NXPE2: variants seen among roughly 807,000 people sequenced by gnomAD.
NXPE2 encodes neurexophilin and PC-esterase domain family member 2, also known as NXPE family member 2.
Under a neutral mutation model 34.4 loss-of-function variants are expected in NXPE2, and 34 were observed. The observed-to-expected ratio is 0.99, with a 90% CI of 0.75 to 1.31. The LOEUF (loss-of-function observed/expected upper bound fraction) is 1.31. Ranked by LOEUF, NXPE2 falls within the 40% of genes most tolerant of loss-of-function variation. The pLI, the probability that NXPE2 is intolerant of heterozygous loss-of-function variation, is 0.00. For missense variants in NXPE2, 649 were observed against 672.5 expected (o/e 0.97, Z 0.39); for synonymous variants, 235 against 231.3 (o/e 1.02, Z -0.15).
At chr11:114,688,556 TTG>T (rs1190503979) in intron 2 of NXPE2, among the ~76,000 whole-genome samples, 1 of 152,082 alleles carries the variant, frequency 6.6e-6, no homozygotes, top group Non-Finnish European at 1.5e-5. Context: ...GTTGTTGGTG[TTG>T]TGTCTTTGCC....
the NXPE2 span, among the ~76,000 whole-genome samples, chr11:114,495,059 G>A: frequency 1.3e-5 from 2 of 152,290 alleles, no homozygotes; most frequent in African/African-American, 4.8e-5. Context: ...TTTCACCCAA[G>A]CGAACAAAAG....
the NXPE2 span, among the ~76,000 whole-genome samples, chr11:114,554,910 T>G: frequency 6.6e-6 from 1 of 152,332 alleles, no homozygotes; most frequent in Admixed American, 6.5e-5. Flanking sequence ...ATAAGACCAC[T>G]GGCAGGGGAT....
At chr11:114,621,177 C>T in the NXPE2 span, among the ~76,000 whole-genome samples, 10 of 152,074 alleles carry the variant, frequency 6.6e-5, no homozygotes, top group Non-Finnish European at 1.3e-4. Context: ...ATTAGTGTTG[C>T]CTCGTGGGTA....
chr11:114,491,492 TAA>T, the NXPE2 span, among the ~76,000 whole-genome samples: 1 of 152,052 alleles, frequency 6.6e-6, no homozygotes, highest in African/African-American at 2.4e-5. Flanking sequence ...TGGCGATCAT[TAA>T]AAAGTCAGGA....
upstream of NXPE2, among the ~76,000 whole-genome samples, chr11:114,675,169 A>G (rs1010828900): frequency 1.3e-5 from 2 of 151,912 alleles, no homozygotes; most frequent in Non-Finnish European, 3.0e-5. Flanking sequence ...ACTCCAACAC[A>G]ATAAACACTA....
chr11:114,744,592 T>C, the NXPE2 span, among the ~76,000 whole-genome samples: 1 of 152,160 alleles, frequency 6.6e-6, no homozygotes. Context: ...GTTGAGTTAC[T>C]TGAGTTCAGG....
At chr11:114,643,203 G>C in the NXPE2 span, among the ~76,000 whole-genome samples, 1 of 151,986 alleles carries the variant, frequency 6.6e-6, no homozygotes, top group East Asian at 1.9e-4. Context: ...CCATTCTGTA[G>C]GTTTCCTGTT....
chr11:114,527,920 AC>A, the NXPE2 span: 1 of 1,581,264 alleles, frequency 6.3e-7, no homozygotes, highest in African/African-American at 1.4e-5. Context: ...AAAAAATAGA[AC>A]AATAAATTAG....
chr11:114,580,381 T>C, the NXPE2 span: 311 of 1,557,334 alleles, frequency 2.0e-4, no homozygotes, highest in Non-Finnish European at 2.7e-4. Context: ...AAACATCAAA[T>C]TACCCGTCAG....
the NXPE2 span, among the ~76,000 whole-genome samples, chr11:114,645,724 A>G: frequency 6.6e-6 from 1 of 152,192 alleles, no homozygotes; most frequent in African/African-American, 2.4e-5. Context: ...TAAAGAATTC[A>G]TATAAAGTGA....
chr11:114,536,815 A>G, the NXPE2 span, among the ~76,000 whole-genome samples: 329 of 152,364 alleles, frequency 2.2e-3, 1 homozygote, highest in African/African-American at 7.4e-3. Context: ...AAAAAAGTCC[A>G]GGACCAGATG....
At chr11:114,780,082 G>A in the NXPE2 span, among the ~76,000 whole-genome samples, 1 of 152,234 alleles carries the variant, frequency 6.6e-6, no homozygotes, top group Non-Finnish European at 1.5e-5. Context: ...TCCCCGTCAA[G>A]AGGCCACCAG....
At chr11:114,655,966 T>A in the NXPE2 span, among the ~76,000 whole-genome samples, 9 of 152,150 alleles carry the variant, frequency 5.9e-5, no homozygotes, top group Non-Finnish European at 1.2e-4. Context: ...CGTATTCACA[T>A]AGGAAGAGAG....
At chr11:114,725,984 TATATATATAA>T in the NXPE2 span, among the ~76,000 whole-genome samples, 2 of 139,960 alleles carry the variant, frequency 1.4e-5, no homozygotes, top group East Asian at 4.3e-4. Context: ...AAAATATATA[TATATATATAA>T]AAAGAAAAAG....
chr11:114,474,441 G>C, the NXPE2 span, among the ~76,000 whole-genome samples: 1 of 152,170 alleles, frequency 6.6e-6, no homozygotes, highest in Non-Finnish European at 1.5e-5. Context: ...TAGCCTATAA[G>C]GTAGGAGGAA....
the NXPE2 span, among the ~76,000 whole-genome samples, chr11:114,786,674 A>G: frequency 6.6e-6 from 1 of 152,196 alleles, no homozygotes; most frequent in African/African-American, 2.4e-5. Flanking sequence ...AAAGTGGTAG[A>G]AGGGTTCAGA....
At chr11:114,693,197 G>T (rs1951185593) in intron 2 of NXPE2, among the ~76,000 whole-genome samples, 1 of 152,138 alleles carries the variant, frequency 6.6e-6, no homozygotes, top group Non-Finnish European at 1.5e-5. Context: ...GGTGATACAG[G>T]TAACCTAGGG....
chr11:114,792,889 A>G, the NXPE2 span, among the ~76,000 whole-genome samples: 1 of 152,210 alleles, frequency 6.6e-6, no homozygotes. Context: ...AACAAAGTCT[A>G]TGCTCTAACC....
the NXPE2 span, among the ~76,000 whole-genome samples, chr11:114,504,995 C>G: frequency 0.35 from 53,054 of 151,884 alleles, 9,520 homozygotes; most frequent in East Asian, 0.6. Context: ...TATGATAAAG[C>G]ATTGCAGGAA....
Sources: gnomAD v4.1 joint callset for allele counts (sites outside exome capture counted in the v4.1 genomes callset) on GRCh38, gnomAD v4.1.1 for gene constraint, MANE v1.5 for transcripts, NCBI Gene and HGNC (gene_info 2026-07-23, HGNC 2026-07-21) for gene names.